AGMO: variants seen among roughly 807,000 people sequenced by gnomAD.
AGMO encodes alkylglycerol monooxygenase, also known as glyceryl-ether monooxygenase.
A neutral mutation model predicts 60.2 loss-of-function variants in AGMO; 75 were observed. The observed-to-expected ratio is 1.25, with a 90% CI of 1.03 to 1.51. The LOEUF (loss-of-function observed/expected upper bound fraction) is 1.51. Ranked by LOEUF, AGMO falls within the 40% of genes most tolerant of loss-of-function variation. The probability of loss-of-function intolerance (pLI) is 0.00; values close to 1 mark genes in which losing one functional copy is unlikely to be tolerated. For missense variants in AGMO, 763 were observed against 525.5 expected, an observed-to-expected ratio of 1.45 and a Z score of -4.42; for synonymous variants, 261 against 177.1, an observed-to-expected ratio of 1.47 and a Z score of -3.76.
intron 12 of AGMO, among the ~76,000 whole-genome samples, chr7:15,202,309 G>C (rs1303001391): frequency 6.6e-6 from 1 of 151,808 alleles, no homozygotes; most frequent in Admixed American, 6.6e-5. Context: ...GAAGGCATGG[G>C]AGCATTCTGG....
At chr7:15,312,459 T>C (rs1161186953) in intron 12 of AGMO, among the ~76,000 whole-genome samples, 1 of 136,452 alleles carries the variant, frequency 7.3e-6, no homozygotes, top group Non-Finnish European at 1.5e-5. Flanking sequence ...GTCATGGAAA[T>C]CACAGGACAA....
At chr7:15,419,909 T>C (rs1780880700) in intron 4 of AGMO, among the ~76,000 whole-genome samples, 1 of 152,056 alleles carries the variant, frequency 6.6e-6, no homozygotes, top group Admixed American at 6.6e-5. Context: ...TGTGATACTA[T>C]GATTTGATTG....
At chr7:15,262,422 G>A (rs1483549503) in intron 12 of AGMO, among the ~76,000 whole-genome samples, 1 of 151,912 alleles carries the variant, frequency 6.6e-6, no homozygotes, top group Non-Finnish European at 1.5e-5. Flanking sequence ...ACCTAACCAA[G>A]GACATGAAAA....
intron 12 of AGMO, among the ~76,000 whole-genome samples, chr7:15,241,409 G>A (rs919908997): frequency 1.4e-5 from 2 of 146,166 alleles, no homozygotes; most frequent in African/African-American, 2.5e-5. Flanking sequence ...GCAGTGAGCC[G>A]GGATAGCGCC....
intron 3 of AGMO, among the ~76,000 whole-genome samples, chr7:15,521,244 T>C (rs745996848): frequency 6.6e-6 from 1 of 152,158 alleles, no homozygotes; most frequent in African/African-American, 2.4e-5. Context: ...CCAGATGGAT[T>C]CACAGCCGAA....
intron 12 of AGMO, among the ~76,000 whole-genome samples, chr7:15,250,381 A>T (rs1782894014): frequency 6.6e-6 from 1 of 152,162 alleles, no homozygotes; most frequent in Non-Finnish European, 1.5e-5. Context: ...AAGTAGCAAA[A>T]CGTGTGTAAT....
intron 12 of AGMO, among the ~76,000 whole-genome samples, chr7:15,237,395 T>C (rs2128501555): frequency 6.6e-6 from 1 of 152,218 alleles, no homozygotes; most frequent in South Asian, 2.1e-4. Context: ...TTGTCATTTA[T>C]GGAATAAGAA....
intron 5 of AGMO, among the ~76,000 whole-genome samples, chr7:15,401,106 G>C (rs567904980): frequency 6.6e-6 from 1 of 151,936 alleles, no homozygotes; most frequent in African/African-American, 2.4e-5. Flanking sequence ...TTTTTTTCAT[G>C]ATACAATTTT....
intron 3 of AGMO, among the ~76,000 whole-genome samples, chr7:15,467,940 C>A (rs1454591387): frequency 6.6e-6 from 1 of 152,060 alleles, no homozygotes; most frequent in East Asian, 1.9e-4. Context: ...CTCCCTGCCA[C>A]CCTCCCAAAC....
chr7:15,371,214 T>C (rs766293993), intron 10 of AGMO, among the ~76,000 whole-genome samples: 1 of 152,162 alleles, frequency 6.6e-6, no homozygotes, highest in Non-Finnish European at 1.5e-5. Flanking sequence ...AAATATTTAA[T>C]AACAATGTTT....
At chr7:15,451,697 C>A (rs566330882) in intron 3 of AGMO, among the ~76,000 whole-genome samples, 1 of 151,954 alleles carries the variant, frequency 6.6e-6, no homozygotes, top group Non-Finnish European at 1.5e-5. Flanking sequence ...AGAAAAACTT[C>A]GGCCGAATTA....
At chr7:15,267,933 T>A (rs189540593) in intron 12 of AGMO, among the ~76,000 whole-genome samples, 1 of 151,984 alleles carries the variant, frequency 6.6e-6, no homozygotes, top group Non-Finnish European at 1.5e-5. Flanking sequence ...TAAAATATAA[T>A]GAATCTATTA....
At chr7:15,366,256 TAGA>T (rs1782976740) in intron 10 of AGMO, 34 bp from the exon 11 acceptor site, 6 of 1,524,394 alleles carry the variant, frequency 3.9e-6, no homozygotes, top group South Asian at 1.2e-5. Context: ...ATGGAGCCGT[TAGA>T]AGAATTGTTA....
chr7:15,239,103 CCTCAATGTTATTGAATGCCTG>C (rs1782512971), intron 12 of AGMO, among the ~76,000 whole-genome samples: 3 of 152,006 alleles, frequency 2.0e-5, no homozygotes, highest in African/African-American at 7.2e-5. Flanking sequence ...AGATCTGTGC[CCTCAATGTTATTGAATGCCTG>C]CTCTCCAAGC....
At chr7:15,262,570 C>G (rs1783305182) in intron 12 of AGMO, among the ~76,000 whole-genome samples, 1 of 151,690 alleles carries the variant, frequency 6.6e-6, no homozygotes, top group African/African-American at 2.4e-5. Flanking sequence ...ATGCAATTTC[C>G]ATCAGAATAC....
chr7:15,296,830 C>CTGA (rs1784420181), intron 12 of AGMO, among the ~76,000 whole-genome samples: 1 of 152,114 alleles, frequency 6.6e-6, no homozygotes, highest in Non-Finnish European at 1.5e-5. Context: ...ACAAATTTAG[C>CTGA]TGAGCGGAAA....
rs533712382 is a variant in AGMO at position 15,287,241 on chromosome 7, A to T, written c.1263+78273T>A. 6.4e-4 allele frequency among the ~76,000 whole-genome samples: 97 copies of T among 152,320 alleles called. 1 individual carries two copies. The highest frequency in any genetic ancestry group is 2.2e-3 in the African/African-American group (92 of 41,568). ...GCTATTGAAATAAAATATATTTTTT[A>T]AAAAACATGAAACCATGGGCAAAAA... On this transcript the variant is annotated intron_variant, in intron 12 of 12. Coordinates refer to ENST00000342526, the MANE Select transcript of AGMO (RefSeq NM_001004320.2).
chr7:15,338,164 T>G (rs1781723168), intron 12 of AGMO, among the ~76,000 whole-genome samples: 1 of 152,194 alleles, frequency 6.6e-6, no homozygotes, highest in Admixed American at 6.5e-5. Context: ...ATTAAATTTT[T>G]TAAGTAAGGT....
At chr7:15,146,425 A>G in the AGMO span, among the ~76,000 whole-genome samples, 1 of 152,186 alleles carries the variant, frequency 6.6e-6, no homozygotes, top group Non-Finnish European at 1.5e-5. Context: ...CATGAAAACT[A>G]GGCTTAAATA....
Sources: allele counts gnomAD v4.1 joint callset (sites outside exome capture counted in the v4.1 genomes callset), GRCh38; gene constraint gnomAD v4.1.1; transcripts MANE v1.5; gene names NCBI Gene and HGNC (gene_info 2026-07-23, HGNC 2026-07-21).